Variants in CHSY3 observed in about 807,000 individuals in gnomAD.
The protein encoded by CHSY3 is N-acetylgalactosaminyl-proteoglycan 3-beta-glucuronosyltransferase 3.
A neutral mutation model predicts 67.2 loss-of-function variants in CHSY3; 35 were observed. The ratio of observed to expected loss-of-function variants is 0.52; its 90% CI spans 0.40 to 0.69. The LOEUF (loss-of-function observed/expected upper bound fraction) is 0.69. Among genes scored for constraint, CHSY3 ranks in the 30% least tolerant of loss-of-function variants. The pLI is 0.00. For synonymous variants in CHSY3, 474 were observed against 434.7 expected, an observed-to-expected ratio of 1.09 and a Z score of -1.12; for missense variants, 1,069 against 1,138.5, an observed-to-expected ratio of 0.94 and a Z score of 0.88.
intron 2 of CHSY3, among the ~76,000 whole-genome samples, chr5:129,938,239 G>A (rs926601661): frequency 1.3e-5 from 2 of 152,206 alleles, no homozygotes; most frequent in Non-Finnish European, 2.9e-5. Context: ...AGGCTGCATA[G>A]AGTAAGGGGG....
chr5:129,941,612 A>C (rs1374896737), intron 2 of CHSY3, among the ~76,000 whole-genome samples: 1 of 152,196 alleles, frequency 6.6e-6, no homozygotes, highest in Non-Finnish European at 1.5e-5. Flanking sequence ...AGATTACCAG[A>C]GAGTGTCTGT....
chr5:130,048,473 C>G (rs975157017), intron 2 of CHSY3, among the ~76,000 whole-genome samples: 2 of 151,828 alleles, frequency 1.3e-5, no homozygotes, highest in Admixed American at 6.6e-5. Context: ...ATTAATACAG[C>G]AGGTGCAGCT....
chr5:130,157,890 C>G (rs2149726710), intron 2 of CHSY3, among the ~76,000 whole-genome samples: 1 of 152,228 alleles, frequency 6.6e-6, no homozygotes, highest in African/African-American at 2.4e-5. Context: ...GGATTTTTCC[C>G]CTTTTTAGAC....
intron 2 of CHSY3, among the ~76,000 whole-genome samples, chr5:129,914,000 A>G (rs1016652806): frequency 2.0e-5 from 3 of 152,268 alleles, no homozygotes; most frequent in African/African-American, 7.2e-5. Flanking sequence ...AAGCTGTACC[A>G]TATGAAACTG....
chr5:129,961,823 TA>T (rs1022292013), intron 2 of CHSY3, among the ~76,000 whole-genome samples: 4 of 151,990 alleles, frequency 2.6e-5, no homozygotes, highest in African/African-American at 9.7e-5. Flanking sequence ...TAAACTTTTT[TA>T]AAAAAACTTT....
chr5:129,957,012 G>C (rs1762196798), intron 2 of CHSY3, among the ~76,000 whole-genome samples: 3 of 152,004 alleles, frequency 2.0e-5, no homozygotes, highest in Admixed American at 1.3e-4. Flanking sequence ...AATGTCATTG[G>C]TAGTTTAATA....
Position 130,184,430 on chromosome 5 carries a change from C to T in CHSY3, c.1288C>T (p.Leu430=), listed in dbSNP as rs1561574783. Residue 430 remains leucine, a synonymous_variant, in exon 3 of 3, where the codon CTG becomes TTG. Transcript: ENST00000305031. ...CATCCAGCTCCACAGGGAAAGTGCC[C>T]TGATGAGCAAGCTCAGTAACACAGA... ...RTIQLHRESA[L]MSKLSNTEVS... is the part of the protein sequence containing the mutation. 6.2e-7 allele frequency: 1 copy of T among 1,613,668 alleles called. No individual in the cohort carries two copies. The highest frequency in any genetic ancestry group is 8.5e-7 in the Non-Finnish European group (1 of 1,179,606).
chr5:130,118,489 ATG>A (rs530955039), intron 2 of CHSY3, among the ~76,000 whole-genome samples: 10,592 of 148,790 alleles, frequency 0.071, 401 homozygotes, highest in Non-Finnish European at 0.081. Flanking sequence ...TAATGTATAT[ATG>A]TGTGTGTGTG....
intron 2 of CHSY3, among the ~76,000 whole-genome samples, chr5:130,157,333 C>T (rs1289054733): frequency 6.6e-6 from 1 of 152,252 alleles, no homozygotes; most frequent in African/African-American, 2.4e-5. Context: ...GGTTATTATA[C>T]CTTAATAGGA....
Position 129,904,595 on chromosome 5 carries a change from C to A in CHSY3, c.-235C>A. On this transcript the variant is annotated 5_prime_UTR_variant, in exon 1 of 3. Coordinates refer to ENST00000305031, the MANE Select transcript of CHSY3 (RefSeq NM_175856.5). ...CGCCGCCGCCGGGAGAAGTTTCACT[C>A]CCGACCCTTGCTCGGAGCCCCGGCC... 1 of 594,882 alleles carries A rather than the reference C, an allele frequency of 1.7e-6. No homozygotes were observed. The highest frequency in any genetic ancestry group is 2.4e-6 in the Non-Finnish European group (1 of 420,222). The allele number at this position is 594,882 out of a possible 1,614,324, so 36.9% of individuals were successfully genotyped here.
chr5:129,975,314 T>G (rs1561480776), intron 2 of CHSY3, among the ~76,000 whole-genome samples: 1 of 152,176 alleles, frequency 6.6e-6, no homozygotes, highest in Non-Finnish European at 1.5e-5. Flanking sequence ...AACTTCAGTT[T>G]TCAAACTATA....
At chr5:130,087,692 A>T (rs1399953684) in intron 2 of CHSY3, among the ~76,000 whole-genome samples, 4 of 152,092 alleles carry the variant, frequency 2.6e-5, no homozygotes, top group Non-Finnish European at 5.9e-5. Context: ...GGAGAACTAC[A>T]AACCACTGCT....
intron 2 of CHSY3, among the ~76,000 whole-genome samples, chr5:130,144,931 C>G (rs187408821): frequency 1.0e-3 from 157 of 152,218 alleles, no homozygotes; most frequent in Non-Finnish European, 1.9e-3. Context: ...TCTGGGGAGG[C>G]CTCAGGAAAC....
intron 2 of CHSY3, among the ~76,000 whole-genome samples, chr5:129,916,661 T>C (rs904139434): frequency 6.6e-6 from 1 of 152,218 alleles, no homozygotes; most frequent in Admixed American, 6.5e-5. Context: ...AAATTGAAAA[T>C]GTTCTGCCTT....
At chr5:130,160,451 C>A (rs1769497252) in intron 2 of CHSY3, among the ~76,000 whole-genome samples, 1 of 152,156 alleles carries the variant, frequency 6.6e-6, no homozygotes, top group Non-Finnish European at 1.5e-5. Context: ...TTCTCAGAGA[C>A]CTATCTCCTT....
chr5:130,014,213 T>C (rs1475689954), intron 2 of CHSY3, among the ~76,000 whole-genome samples: 1 of 152,210 alleles, frequency 6.6e-6, no homozygotes, highest in Non-Finnish European at 1.5e-5. Context: ...TTCTGTCTTC[T>C]TCTGAGCCCT....
intron 2 of CHSY3, among the ~76,000 whole-genome samples, chr5:130,019,383 C>A (rs537980496): frequency 3.9e-4 from 60 of 152,250 alleles, no homozygotes; most frequent in Non-Finnish European, 3.5e-4. Flanking sequence ...GAAACCTGGG[C>A]AATTATCTTT....
chr5:130,143,734 G>GTGTGTATATA (rs1223966105), intron 2 of CHSY3, among the ~76,000 whole-genome samples: 2 of 94,662 alleles, frequency 2.1e-5, no homozygotes, highest in African/African-American at 8.8e-5. Flanking sequence ...GTGTGTGTGT[G>GTGTGTATATA]TATATATATA....
chr5:129,991,454 C>A (rs1763364028), intron 2 of CHSY3, among the ~76,000 whole-genome samples: 1 of 152,090 alleles, frequency 6.6e-6, no homozygotes, highest in South Asian at 2.1e-4. Context: ...TATGAAATTT[C>A]ATCAACACAT....
Sources: gnomAD v4.1 joint callset for allele counts (sites outside exome capture counted in the v4.1 genomes callset) on GRCh38, gnomAD v4.1.1 for gene constraint, MANE v1.5 for transcripts, NCBI Gene and HGNC (gene_info 2026-07-23, HGNC 2026-07-21) for gene names.